The following ODAD1 variants were observed in gnomAD, a reference collection of about 807,000 sequenced individuals.
ODAD1 encodes the protein outer dynein arm docking complex subunit 1, also known as outer dynein arm-docking complex subunit 1.
In ODAD1, 49 loss-of-function variants were observed where a neutral mutation model predicts 67.2. The observed-to-expected ratio is 0.73, with a 90% CI of 0.58 to 0.92. ODAD1 has a LOEUF of 0.92. Among genes scored for constraint, ODAD1 ranks in the 40% least tolerant of loss-of-function variants. The pLI is 0.00. For missense variants in ODAD1, 897 were observed against 953.7 expected (o/e 0.94, Z 0.78); for synonymous variants, 345 against 393.7 (o/e 0.88, Z 1.46).
intron 14 of ODAD1, 34 bp downstream of exon 14, chr19:48,297,966 G>A (rs762950369): frequency 5.6e-5 from 87 of 1,542,486 alleles, no homozygotes; most frequent in South Asian, 1.2e-4. Flanking sequence ...TGGAAGCCCC[G>A]TCCCCTCTGC....
intron 14 of ODAD1, 145 bp from the exon 15 acceptor site, chr19:48,297,813 C>A: frequency 1.1e-6 from 1 of 884,960 alleles, no homozygotes; most frequent in South Asian, 1.8e-5. Context: ...GGGCCCCATC[C>A]TCCCACACAG....
chr19:48,307,992 A>C (rs1264047994), intron 7 of ODAD1, among the ~76,000 whole-genome samples: 1 of 152,172 alleles, frequency 6.6e-6, no homozygotes, highest in Non-Finnish European at 1.5e-5. Flanking sequence ...ACTCCCAAAA[A>C]GTGATGGGGT....
chr19:48,311,290 G>T (rs1019720753), intron 7 of ODAD1, among the ~76,000 whole-genome samples: 17 of 152,150 alleles, frequency 1.1e-4, no homozygotes, highest in Non-Finnish European at 2.1e-4. Context: ...TATAATAAAT[G>T]GTCTTGCTTG....
intron 7 of ODAD1, 63 bp from the exon 8 acceptor site, chr19:48,306,386 C>T: frequency 2.8e-6 from 4 of 1,407,916 alleles, no homozygotes; most frequent in Non-Finnish European, 3.9e-6. Context: ...GAAGTCTTTC[C>T]TTTTGGCCCC....
intron 1 of ODAD1, among the ~76,000 whole-genome samples, chr19:48,321,153 G>A (rs1053573578): frequency 4.6e-5 from 7 of 152,170 alleles, no homozygotes; most frequent in African/African-American, 7.2e-5. Context: ...CAGGAGAATC[G>A]CTTGAACCCG....
Position 48,297,656 on chromosome 19 carries a change from C to G in ODAD1, c.1515G>C (p.Pro505=), listed in dbSNP as rs748491528. 4.0e-6 allele frequency: 6 copies of G among 1,515,094 alleles called. No homozygotes were observed. Among genetic ancestry groups the G allele is most frequent in the African/African-American group, 1.4e-5 (1 of 71,470 alleles). The allele number at this position is 1,515,094 out of a possible 1,614,324, so 93.9% of individuals were successfully genotyped here. Residue 505 remains proline, a synonymous_variant, in exon 15 of 16, where the codon CCG becomes CCC. Transcript: ENST00000674294. ...GGTAGTCATCGCTGGCCTCAAAACCCGGGGGGTCTTCTCTGGGGAGGGGAA... is the reference window on the plus strand; with the variant it reads ...GGTAGTCATCGCTGGCCTCAAAACCGGGGGGGTCTTCTCTGGGGAGGGGAA... ...LQPPDTLEDP[P]GFEASDDYPM...
At position 48,298,084 on chromosome 19, in the gene ODAD1, A is replaced by G; in HGVS notation, c.1418T>C (p.Leu473Pro). 1 of 1,613,112 alleles carries G rather than the reference A, an allele frequency of 6.2e-7. No individual in the cohort carries two copies. The highest frequency in any genetic ancestry group is 8.5e-7 in the Non-Finnish European group (1 of 1,179,696). Residue 473 changes from leucine to proline, a missense_variant, in exon 14 of 16, where the codon CTG (leucine) becomes CCG (proline). Transcript: ENST00000674294. ...CAGCACTAGGAGGGCAGCGTCGGCC[A>G]GGGAGGTGAAGCTCTGGAGAGTGTG... ...AFLHAQSFTS[L>P]ADAALLVLGQ...
intron 5 of ODAD1, among the ~76,000 whole-genome samples, chr19:48,312,400 G>GT (rs767432952): frequency 4.0e-4 from 48 of 120,808 alleles, no homozygotes; most frequent in East Asian, 1.0e-3. Flanking sequence ...ACTCCTTTCC[G>GT]TTTTTTTTTT....
At chr19:48,306,192 C>T (rs1968602470) in intron 8 of ODAD1, 64 bp downstream of exon 8, 1 of 1,547,640 alleles carries the variant, frequency 6.5e-7, no homozygotes, top group African/African-American at 1.4e-5. Context: ...CCATCACTGC[C>T]TTATGGAAAG....
rs914613251 is a variant in ODAD1 at position 48,311,994 on chromosome 19, C to A, written c.483G>T (p.Arg161Ser). 12 of 1,550,760 alleles carry A rather than the reference C, an allele frequency of 7.7e-6. No homozygotes were observed. The highest frequency in any genetic ancestry group is 1.0e-5 in the Non-Finnish European group (12 of 1,146,686). Residue 161 changes from arginine (R) to serine (S), a missense_variant and splice_region_variant, in exon 6 of 16, where the codon AGG becomes AGT. Arg to Ser is a moderately radical substitution (Grantham distance 110). Coordinates refer to ENST00000674294, the MANE Select transcript of ODAD1 (RefSeq NM_001364171.2). ...GAGGGACCAGGAGTTTGACCCTCAC[C>A]CTGTCCAACTGGTTTTCTAGGATCC... ...RIRILENQLDRVTCHFDNQLV... is the reference protein window; with the variant it reads ...RIRILENQLDSVTCHFDNQLV...
intron 11 of ODAD1, 54 bp downstream of exon 11, chr19:48,302,959 G>C (rs1569004021): frequency 6.2e-6 from 10 of 1,600,028 alleles, no homozygotes; most frequent in African/African-American, 5.4e-5. Flanking sequence ...GGGAGGGAAG[G>C]GGGCGGGGAG....
chr19:48,319,943 A>G, intron 3 of ODAD1: 1 of 701,230 alleles, frequency 1.4e-6, no homozygotes, highest in African/African-American at 1.9e-5. Context: ...CTGCCCCCAC[A>G]ACAAAGAATT....
chr19:48,303,782 C>A lies in ODAD1; in HGVS notation c.856G>T (p.Gly286Trp). 1 of 1,606,836 alleles carries A rather than the reference C, an allele frequency of 6.2e-7. No individual in the cohort carries two copies. The highest frequency in any genetic ancestry group is 1.1e-5 in the South Asian group (1 of 89,920). Residue 286 changes from glycine to tryptophan, a missense_variant and splice_region_variant, in exon 10 of 16, where the codon GGG becomes TGG. Physicochemically the swap from Gly to Trp is radical, Grantham distance 184. Transcript: ENST00000674294. ...TTCCAGACGCCCTCGGCCACCTCCC[C>A]GGCTAGGGGAAGAGAGAACAGCAGG... Reference protein sequence around the residue: ...DVLEKREKQAGEVAEGVWKTS... With the variant: ...DVLEKREKQAWEVAEGVWKTS...
chr19:48,303,798 GAA>G lies in ODAD1; in HGVS notation c.854-16_854-15del. 6.3e-7 allele frequency: 1 copy of G among 1,599,884 alleles called. No homozygotes were observed. The highest frequency in any genetic ancestry group is 1.1e-5 in the South Asian group (1 of 88,696). On this transcript the variant is annotated splice_polypyrimidine_tract_variant and intron_variant, in intron 9 of 15. Coordinates refer to ENST00000674294, the MANE Select transcript of ODAD1 (RefSeq NM_001364171.2). The stretch of plus-strand genomic sequence containing the variant: ...CCACCTCCCCGGCTAGGGGAAGAGA[GAA>G]CAGCAGGTCGGCCTCCTGGGTGGCC...
At chr19:48,319,568 C>T in intron 3 of ODAD1, 4 of 314,806 alleles carry the variant, frequency 1.3e-5, no homozygotes, top group Non-Finnish European at 1.8e-5. Flanking sequence ...CGCTCTGTCC[C>T]CCAGGCTCTA....
chr19:48,318,661 C>T (rs1332568264), intron 4 of ODAD1, 52 bp downstream of exon 4: 61 of 1,532,266 alleles, frequency 4.0e-5, no homozygotes, highest in Non-Finnish European at 5.0e-5. Context: ...GTCCAGTCTT[C>T]AGCCCCTCTG....
intron 5 of ODAD1, 92 bp from the exon 6 acceptor site, chr19:48,312,208 C>A: frequency 1.1e-6 from 1 of 902,158 alleles, no homozygotes; most frequent in Non-Finnish European, 1.7e-6. Context: ...GCATGGCAAA[C>A]ATCTGCTGTC....
intron 12 of ODAD1, among the ~76,000 whole-genome samples, chr19:48,301,841 G>A (rs2147313708): frequency 6.6e-6 from 1 of 151,748 alleles, no homozygotes; most frequent in Admixed American, 6.6e-5. Flanking sequence ...ATGGATGGAT[G>A]GATGGATGGA....
intron 5 of ODAD1, among the ~76,000 whole-genome samples, chr19:48,318,042 C>T (rs1259075422): frequency 1.3e-5 from 2 of 152,050 alleles, no homozygotes; most frequent in African/African-American, 4.8e-5. Context: ...CAATGCACTC[C>T]AGCCTGGGCG....
Sources: allele counts gnomAD v4.1 joint callset (sites outside exome capture counted in the v4.1 genomes callset), GRCh38; gene constraint gnomAD v4.1.1; transcripts MANE v1.5; gene names NCBI Gene and HGNC (gene_info 2026-07-23, HGNC 2026-07-21).